Variants in SUPT7L observed in about 807,000 individuals in gnomAD.
SUPT7L encodes SPT7 like, STAGA complex subunit gamma.
Under a neutral mutation model 35.7 loss-of-function variants are expected in SUPT7L, and 15 were observed. The observed-to-expected ratio is 0.42, with a 90% CI of 0.28 to 0.65. SUPT7L has a LOEUF of 0.65. Among genes scored for constraint, SUPT7L ranks in the 30% least tolerant of loss-of-function variants. The probability of loss-of-function intolerance (pLI) is 0.23; values close to 1 mark genes in which losing one functional copy is unlikely to be tolerated. For synonymous variants in SUPT7L, 168 were observed against 186.2 expected, an observed-to-expected ratio of 0.90 and a Z score of 0.79; for missense variants, 434 against 522.2, an observed-to-expected ratio of 0.83 and a Z score of 1.65.
rs1335130453 is a variant in SUPT7L at position 27,663,563 on chromosome 2, TGAGGCAA to T, written c.-331_-325del. 5.1e-6 allele frequency: 3 copies of T among 586,294 alleles called. No homozygotes were observed. In the African/African-American group the frequency reaches 5.6e-5, roughly 11 times the overall value. The allele number at this position is 586,294 out of a possible 1,614,324, so 36.3% of individuals were successfully genotyped here. ...GCGGCTGTCTGGACCTCGAGAGGCC[TGAGGCAA>T]GGATCGCGTCAGACCCCGAAAGCTG... On this transcript the variant is annotated 5_prime_UTR_variant, in exon 1 of 6. Coordinates refer to ENST00000337768, the MANE Select transcript of SUPT7L (RefSeq NM_014860.3).
At chr2:27,658,303 A>C (rs1288542592) in intron 3 of SUPT7L, among the ~76,000 whole-genome samples, 1 of 152,120 alleles carries the variant, frequency 6.6e-6, no homozygotes, top group Non-Finnish European at 1.5e-5. Flanking sequence ...TTGCCAGGAG[A>C]GGAAACAGGT....
At position 27,661,360 on chromosome 2, in the gene SUPT7L, TTGA is replaced by T. The variant is rs762663385; in HGVS notation, c.40_42del (p.Ser15del). On this transcript the variant is annotated inframe_deletion, in exon 3 of 6. Coordinates refer to ENST00000337768, the MANE Select transcript of SUPT7L (RefSeq NM_014860.3). ...TCGAAGGAACTTCTGTTGGTCTGGC[TTGA>T]TGATATTGGTATCTCTCCCCAGTAT... The T allele has an allele frequency of 6.2e-7, 1 of 1,614,002 alleles. No homozygotes were observed. Among genetic ancestry groups the T allele is most frequent in the African/African-American group, 1.3e-5 (1 of 75,020 alleles).
intron 2 of SUPT7L, chr2:27,661,865 T>C (rs1009864882): frequency 3.3e-5 from 14 of 430,260 alleles, no homozygotes; most frequent in Admixed American, 3.7e-5. Context: ...GAAAAACTAG[T>C]AGGGTTAAAG....
At chr2:27,662,336 T>A in intron 1 of SUPT7L, 55 bp from the exon 2 acceptor site, 1 of 943,768 alleles carries the variant, frequency 1.1e-6, no homozygotes, top group South Asian at 1.4e-5. Context: ...ACATGGTAAG[T>A]ACTGTTCTAG....
rs1457638371 is a variant in SUPT7L at position 27,655,823 on chromosome 2, TAA to T, written c.745-223_745-222del. Among the ~76,000 whole-genome samples the T allele has an allele frequency of 3.9e-5, 6 of 152,298 alleles. No homozygotes were observed. The East Asian group carries it at 1.2e-3, about 29-fold the overall frequency. ...GGCAGAGAATGTGTATGTCATTAATTAAAAGTTACATAAAGGTAAAAAAATGT... is the reference window on the plus strand; with the variant it reads ...GGCAGAGAATGTGTATGTCATTAATTAAGTTACATAAAGGTAAAAAAATGT... On this transcript the variant is annotated intron_variant, in intron 4 of 5. Transcript: ENST00000337768.
Position 27,657,267 on chromosome 2 carries a change from C to T in SUPT7L, c.744+78G>A. Reference sequence around the variant, plus strand: ...AAGACTCTGTGCTCTGCACTCTAGACCAAGTGTTGTGGGATCCTGCTGAAC... The same window carrying T: ...AAGACTCTGTGCTCTGCACTCTAGATCAAGTGTTGTGGGATCCTGCTGAAC... On this transcript the variant is annotated intron_variant, in intron 4 of 5. Transcript: ENST00000337768. The surrounding 1 kb of genome is among the most constrained non-coding windows in gnomAD (Gnocchi z 5.2). 6.7e-7 allele frequency: 1 copy of T among 1,487,874 alleles called. No individual in the cohort carries two copies. The highest frequency in any genetic ancestry group is 9.2e-7 in the Non-Finnish European group (1 of 1,091,314). The allele number at this position is 1,487,874 out of a possible 1,614,324, so 92.2% of individuals were successfully genotyped here.
Position 27,651,761 on chromosome 2 carries a change from T to A in SUPT7L, c.*1724A>T, listed in dbSNP as rs1674566397. 6.6e-6 allele frequency: 1 copy of A among 152,248 alleles called. No homozygotes were observed. Among genetic ancestry groups the A allele is most frequent in the Non-Finnish European group, 1.5e-5 (1 of 68,048 alleles). The allele number at this position is 152,248 out of a possible 1,614,324, so 9.4% of individuals were successfully genotyped here. ...CAAATAATTGGTACTCAATGTTTGC[T>A]GGATGAATGAACTAAATTCCCATAC... On this transcript the variant is annotated 3_prime_UTR_variant, in exon 6 of 6. Transcript: ENST00000337768.
chr2:27,653,417 G>T lies in SUPT7L; in HGVS notation c.*68C>A. 6.5e-7 allele frequency: 1 copy of T among 1,536,188 alleles called. No homozygotes were observed. ...AGTCAAATCAATTTTTAAGGAAACA[G>T]ATTCTAATACAAAAACCTTTTCTGT... On this transcript the variant is annotated 3_prime_UTR_variant, in exon 6 of 6. Transcript: ENST00000337768.
rs140128093 is a variant in SUPT7L at position 27,652,149 on chromosome 2, A to AAAAT, written c.*1332_*1335dup. On this transcript the variant is annotated 3_prime_UTR_variant, in exon 6 of 6. Coordinates refer to ENST00000337768, the MANE Select transcript of SUPT7L (RefSeq NM_014860.3). ...GGTGACAGAGCAAGACTCCATCTCA[A>AAAAT]AAATAAATAAATAAATAAATAAATT... 29 of 92,076 alleles carry AAAAT rather than the reference A, an allele frequency of 3.1e-4. No individual in the cohort carries two copies. In the East Asian group the frequency reaches 3.2e-3, roughly 10 times the overall value. The allele number at this position is 92,076 out of a possible 1,614,324, so 5.7% of individuals were successfully genotyped here.
chr2:27,645,890 G>C (rs547819460), downstream of SUPT7L, among the ~76,000 whole-genome samples: 13 of 151,064 alleles, frequency 8.6e-5, no homozygotes, highest in African/African-American at 2.2e-4. Context: ...CCACCATGCC[G>C]GGCTAAATTT....
At chr2:27,661,570 T>C in intron 2 of SUPT7L, 182 bp from the exon 3 acceptor site, 1 of 1,428,254 alleles carries the variant, frequency 7.0e-7, no homozygotes, top group Non-Finnish European at 9.1e-7. Flanking sequence ...AATGTCAGTG[T>C]CAGCAAAACT....
the SUPT7L span, among the ~76,000 whole-genome samples, chr2:27,643,041 C>T: frequency 2.0e-5 from 3 of 148,642 alleles, no homozygotes; most frequent in South Asian, 6.4e-4. This position sits in a 1 kb window ranked among gnomAD's most constrained non-coding sequence, Gnocchi z 4.0. Flanking sequence ...TTTGGAAAGG[C>T]AAATTTGAAA....
In SUPT7L at chr2:27,657,472, C is replaced by A; in HGVS notation, c.617G>T (p.Arg206Leu). 6.2e-7 allele frequency: 1 copy of A among 1,614,264 alleles called. No individual in the cohort carries two copies. The highest frequency in any genetic ancestry group is 8.5e-7 in the Non-Finnish European group (1 of 1,180,050). The change falls in exon 4 of 6, where the codon CGG becomes CTG. Residue 206 changes from arginine to leucine, a missense_variant. By Grantham distance (102) the Arg-to-Leu change is moderately radical. This residue lies in a region of SUPT7L where 198 missense variants were observed against 190.8 expected (regional missense o/e 1.04). Transcript: ENST00000337768. The surrounding 1 kb of genome is among the most constrained non-coding windows in gnomAD (Gnocchi z 5.2). ...LLRFAVDREA[R>L]LGQTPFPDVM... ...ATCAGGAAAAGGAGTCTGTCCCAGCCGGGCCTCCCGGTCCACAGCAAAACG... is the reference window on the plus strand; with the variant it reads ...ATCAGGAAAAGGAGTCTGTCCCAGCAGGGCCTCCCGGTCCACAGCAAAACG...
chr2:27,662,363 G>A, intron 1 of SUPT7L, 82 bp from the exon 2 acceptor site: 1 of 661,752 alleles, frequency 1.5e-6, no homozygotes, highest in Non-Finnish European at 2.5e-6. Flanking sequence ...ATGGACCTGG[G>A]GTACTGGAAG....
downstream of SUPT7L, among the ~76,000 whole-genome samples, chr2:27,647,438 C>T (rs1674290909): frequency 6.6e-6 from 1 of 152,122 alleles, no homozygotes; most frequent in Non-Finnish European, 1.5e-5. Context: ...ACATTTCCAC[C>T]AGGAGGCTTC....
At chr2:27,662,569 C>T (rs1439094010) in intron 1 of SUPT7L, among the ~76,000 whole-genome samples, 13 of 152,272 alleles carry the variant, frequency 8.5e-5, no homozygotes, top group African/African-American at 2.2e-4. Context: ...CCCCACCGTC[C>T]GTCACTTCAC....
Position 27,652,276 on chromosome 2 carries a change from A to T in SUPT7L, c.*1209T>A, listed in dbSNP as rs1396566428. 1 of 152,390 alleles carries T rather than the reference A, an allele frequency of 6.6e-6. No homozygotes were observed. Among genetic ancestry groups the T allele is most frequent in the South Asian group, 2.1e-4 (1 of 4,834 alleles). 9.4% of individuals were successfully genotyped at this position (152,390 alleles called of 1,614,324 possible). On this transcript the variant is annotated 3_prime_UTR_variant, in exon 6 of 6. Transcript: ENST00000337768. ...TAAACTATAACCTCATTTGTATCAT[A>T]TTCATTTATTCTCAATACCTGGGAC...
chr2:27,654,489 C>A (rs111370522), intron 5 of SUPT7L, among the ~76,000 whole-genome samples: 7 of 152,174 alleles, frequency 4.6e-5, no homozygotes, highest in African/African-American at 1.7e-4. Flanking sequence ...CTAACTGACA[C>A]GTAACCAGTC....
intron 1 of SUPT7L, among the ~76,000 whole-genome samples, chr2:27,662,924 C>G (rs1466760074): frequency 2.7e-5 from 4 of 150,806 alleles, no homozygotes; most frequent in Non-Finnish European, 5.9e-5. Flanking sequence ...GGACTACAGG[C>G]GCGCACCATC....
Sources: allele counts gnomAD v4.1 joint callset (sites outside exome capture counted in the v4.1 genomes callset), GRCh38; gene constraint gnomAD v4.1.1; regional missense constraint gnomAD v4.1.1; non-coding constraint Gnocchi (gnomAD v3.1); transcripts MANE v1.5; gene names NCBI Gene and HGNC (gene_info 2026-07-23, HGNC 2026-07-21).